The following CHSY3 variants were observed in gnomAD, a reference collection of about 807,000 sequenced individuals.
The protein encoded by CHSY3 is chondroitin sulfate synthase 3, also known as N-acetylgalactosaminyl-proteoglycan 3-beta-glucuronosyltransferase 3.
A neutral mutation model predicts 67.2 loss-of-function variants in CHSY3; 35 were observed. That is an observed-to-expected ratio of 0.52 (90% confidence interval 0.40 to 0.69). The LOEUF is 0.69. Among genes scored for constraint, CHSY3 ranks in the 30% least tolerant of loss-of-function variants. The pLI, the probability that CHSY3 is intolerant of heterozygous loss-of-function variation, is 0.00. For synonymous variants in CHSY3, 474 were observed against 434.7 expected (o/e 1.09, Z -1.12); for missense variants, 1,069 against 1,138.5 (o/e 0.94, Z 0.88).
rs904495543 is a variant in CHSY3, at chr5:130,012,101, T to C, written c.1086+103741T>C. On this transcript the variant is annotated intron_variant, in intron 2 of 2. Coordinates refer to ENST00000305031, the MANE Select transcript of CHSY3 (RefSeq NM_175856.5). ...TTTCAAAGAAACAGAAAAAAATATT[T>C]TAAAATTCATGTGGATCCAAAGAAG... Among the ~76,000 whole-genome samples the C allele has an allele frequency of 1.2e-4, 19 of 152,098 alleles. 1 individual carries two copies. The highest frequency in any genetic ancestry group is 4.1e-4 in the African/African-American group (17 of 41,422).
chr5:129,933,790 A>G (rs1241001675), intron 2 of CHSY3, among the ~76,000 whole-genome samples: 1 of 152,154 alleles, frequency 6.6e-6, no homozygotes, highest in Non-Finnish European at 1.5e-5. Flanking sequence ...ATTTTTTCAT[A>G]TAATTCTAAA....
intron 2 of CHSY3, among the ~76,000 whole-genome samples, chr5:130,077,344 A>G (rs1378297221): frequency 6.6e-6 from 1 of 151,994 alleles, no homozygotes; most frequent in African/African-American, 2.4e-5. Flanking sequence ...TTCTCCTTTT[A>G]ATTTGAAGTA....
At chr5:130,088,565 A>C (rs1162102039) in intron 2 of CHSY3, among the ~76,000 whole-genome samples, 1 of 152,204 alleles carries the variant, frequency 6.6e-6, no homozygotes, top group Admixed American at 6.5e-5. Context: ...GGCGAAGGAC[A>C]TGAACAGACA....
intron 2 of CHSY3, among the ~76,000 whole-genome samples, chr5:129,989,190 C>CCTTCTAA (rs1580619194): frequency 1.3e-5 from 2 of 151,882 alleles, no homozygotes; most frequent in East Asian, 3.9e-4. Flanking sequence ...ATTTGCACAG[C>CCTTCTAA]CTTCTAACAG....
At chr5:130,177,944 T>C (rs937944378) in intron 2 of CHSY3, among the ~76,000 whole-genome samples, 2 of 151,928 alleles carry the variant, frequency 1.3e-5, no homozygotes, top group African/African-American at 4.8e-5. Context: ...CAAATTTTCT[T>C]TTTTTGTCTT....
At chr5:129,962,579 A>G (rs1163015146) in intron 2 of CHSY3, among the ~76,000 whole-genome samples, 2 of 151,154 alleles carry the variant, frequency 1.3e-5, no homozygotes, top group Non-Finnish European at 3.0e-5. Context: ...TAAAGACCAC[A>G]CTCCTTTCTG....
intron 2 of CHSY3, among the ~76,000 whole-genome samples, chr5:130,042,889 T>C (rs1765043716): frequency 1.3e-5 from 2 of 152,096 alleles, no homozygotes; most frequent in Admixed American, 1.3e-4. Flanking sequence ...GCAAAAGTAG[T>C]TTTATTTTCG....
intron 2 of CHSY3, among the ~76,000 whole-genome samples, chr5:129,977,319 A>G (rs1249131730): frequency 2.0e-5 from 3 of 152,190 alleles, no homozygotes; most frequent in Admixed American, 1.3e-4. Context: ...TTAGCAGCAC[A>G]ATTATAAAGC....
chr5:130,006,252 G>GA (rs1763870036), intron 2 of CHSY3, among the ~76,000 whole-genome samples: 1 of 152,142 alleles, frequency 6.6e-6, no homozygotes, highest in Non-Finnish European at 1.5e-5. Context: ...AATTTGCCTG[G>GA]AATGGTTAGA....
At chr5:130,109,594 T>A in intron 2 of CHSY3, among the ~76,000 whole-genome samples, 1 of 151,822 alleles carries the variant, frequency 6.6e-6, no homozygotes, top group East Asian at 1.9e-4. Flanking sequence ...GTTCTAGTAT[T>A]TTTCTCATCA....
At chr5:130,120,283 A>AT (rs200761185) in intron 2 of CHSY3, among the ~76,000 whole-genome samples, 20 of 151,640 alleles carry the variant, frequency 1.3e-4, no homozygotes, top group Admixed American at 1.2e-3. Context: ...CATTCCTGCC[A>AT]TTTTTTTTCT....
intron 2 of CHSY3, among the ~76,000 whole-genome samples, chr5:130,091,968 A>G (rs1419113398): frequency 1.3e-5 from 2 of 152,138 alleles, no homozygotes; most frequent in African/African-American, 2.4e-5. Flanking sequence ...TGGGGAGTCC[A>G]CAGAGAGAGA....
chr5:130,085,012 G>A (rs1300824307), intron 2 of CHSY3, among the ~76,000 whole-genome samples: 1 of 151,936 alleles, frequency 6.6e-6, no homozygotes, highest in Non-Finnish European at 1.5e-5. Context: ...GTTAACGCTG[G>A]TCAGCTATAC....
rs115511083 is a variant in CHSY3 at position 129,948,778 on chromosome 5, G to A, written c.1086+40418G>A. Among the ~76,000 whole-genome samples the A allele has an allele frequency of 9.9e-3, 1,514 of 152,246 alleles. 26 individuals carry two copies. Among genetic ancestry groups the A allele is most frequent in the African/African-American group, 0.035 (1,449 of 41,548 alleles). Reference sequence around the variant, plus strand: ...AATCTCCATATGGTTTTCCATAGGGGTGCACTAGTTTACATCCCCACCAGC... The same window carrying A: ...AATCTCCATATGGTTTTCCATAGGGATGCACTAGTTTACATCCCCACCAGC... On this transcript the variant is annotated intron_variant, in intron 2 of 2. Coordinates refer to ENST00000305031, the MANE Select transcript of CHSY3 (RefSeq NM_175856.5).
At chr5:130,090,742 TA>T (rs1460831084) in intron 2 of CHSY3, among the ~76,000 whole-genome samples, 3 of 152,148 alleles carry the variant, frequency 2.0e-5, no homozygotes, top group African/African-American at 7.2e-5. Context: ...TGTTTCCCGT[TA>T]AGACTGTCTT....
At chr5:130,145,662 A>G (rs1314491523) in intron 2 of CHSY3, among the ~76,000 whole-genome samples, 2 of 152,210 alleles carry the variant, frequency 1.3e-5, no homozygotes, top group East Asian at 3.8e-4. Context: ...TAAGGAGACA[A>G]TGTAGACAAT....
intron 2 of CHSY3, among the ~76,000 whole-genome samples, chr5:129,945,619 AAG>A (rs1311468821): frequency 1.3e-5 from 2 of 152,140 alleles, no homozygotes; most frequent in African/African-American, 4.8e-5. Flanking sequence ...TTGGGGAAAG[AAG>A]AGAGAGGGGA....
intron 2 of CHSY3, among the ~76,000 whole-genome samples, chr5:129,956,010 T>C (rs559476106): frequency 1.3e-5 from 2 of 152,322 alleles, no homozygotes; most frequent in Non-Finnish European, 2.9e-5. Flanking sequence ...GTATGTGTCT[T>C]TACCATAGAA....
chr5:130,083,981 A>G (rs1406183204), intron 2 of CHSY3, among the ~76,000 whole-genome samples: 2 of 151,920 alleles, frequency 1.3e-5, no homozygotes, highest in East Asian at 3.9e-4. Flanking sequence ...ATTTTTTTCA[A>G]ACAGTTTACT....
Sources: allele counts gnomAD v4.1 joint callset (sites outside exome capture counted in the v4.1 genomes callset), GRCh38; gene constraint gnomAD v4.1.1; transcripts MANE v1.5; gene names NCBI Gene and HGNC (gene_info 2026-07-23, HGNC 2026-07-21).